Variants in SLC5A5 observed in about 807,000 individuals in gnomAD.
SLC5A5 encodes solute carrier family 5 member 5.
A neutral mutation model predicts 68.6 loss-of-function variants in SLC5A5; 56 were observed. That is an observed-to-expected ratio of 0.82 (90% CI 0.66 to 1.02). The LOEUF (loss-of-function observed/expected upper bound fraction) is 1.02, where lower values mean the gene tolerates loss of function less well. SLC5A5 is among the 50% of genes least tolerant of loss of function. The pLI, the probability that SLC5A5 is intolerant of heterozygous loss-of-function variation, is 0.00. For synonymous variants in SLC5A5, 398 were observed against 373.0 expected (o/e 1.07, Z -0.77); for missense variants, 807 against 859.8 (o/e 0.94, Z 0.77).
chr19:17,881,991 G>T lies in SLC5A5; in HGVS notation c.1090G>T (p.Ala364Ser). 1 of 1,614,164 alleles carries T rather than the reference G, an allele frequency of 6.2e-7. No individual in the cohort carries two copies. The highest frequency in any genetic ancestry group is 8.5e-7 in the Non-Finnish European group (1 of 1,179,986). Residue 364 changes from alanine (A) to serine (S), a missense_variant, in exon 9 of 15, where the codon GCA (alanine) becomes TCA (serine). Transcript: ENST00000222248. ...ATCCACCAGCATCAATGCTATGGCT[G>T]CAGTCACTGTAGAAGACCTCATCAA... ...TASTSINAMAAVTVEDLIKPR... is the reference protein window; with the variant it reads ...TASTSINAMASVTVEDLIKPR...
At chr19:17,875,203 C>T (rs948181145) in intron 4 of SLC5A5, among the ~76,000 whole-genome samples, 3 of 151,876 alleles carry the variant, frequency 2.0e-5, no homozygotes, top group Non-Finnish European at 2.9e-5. Flanking sequence ...AACCCCGTCT[C>T]TACTAAGAAT....
rs557544732 is a variant in SLC5A5, at chr19:17,883,882, G to T, written c.1362G>T (p.Ala454=). 6.3e-7 allele frequency: 1 copy of T among 1,578,626 alleles called. No individual in the cohort carries two copies. The highest frequency in any genetic ancestry group is 1.8e-5 in the Admixed American group (1 of 54,466). The change falls in exon 12 of 15, where the codon GCG becomes GCT. Residue 454 remains alanine (A), a synonymous_variant. Coordinates refer to ENST00000222248, the MANE Select transcript of SLC5A5 (RefSeq NM_000453.3). The part of the protein sequence containing the change: ...GVLAGLGAGL[A]LSLWVALGAT... Reference sequence around the variant, plus strand: ...TCGCGGGACTAGGCGCGGGCTTGGCGCTGTCGCTGTGGGTGGCCTTGGGCG... The same window carrying T: ...TCGCGGGACTAGGCGCGGGCTTGGCTCTGTCGCTGTGGGTGGCCTTGGGCG...
At chr19:17,875,167 C>G (rs1231908637) in intron 4 of SLC5A5, among the ~76,000 whole-genome samples, 1 of 151,958 alleles carries the variant, frequency 6.6e-6, no homozygotes, top group Non-Finnish European at 1.5e-5. Context: ...GTCAGGAGTT[C>G]GAGACCAGCC....
Position 17,872,254 on chromosome 19 carries a change from T to C in SLC5A5, c.-66T>C, listed in dbSNP as rs1599905449. On this transcript the variant is annotated 5_prime_UTR_variant, in exon 1 of 15. Coordinates refer to ENST00000222248, the MANE Select transcript of SLC5A5 (RefSeq NM_000453.3). ...CTCCCCGTCCTGCCTCCTCGGCCCC[T>C]GCCAGCTTCCCCCGCTTGAGCACGC... 4.0e-6 allele frequency: 2 copies of C among 496,066 alleles called. No individual in the cohort carries two copies. Among genetic ancestry groups the C allele is most frequent in the South Asian group, 1.6e-5 (1 of 61,954 alleles). The allele number at this position is 496,066 out of a possible 1,614,324, so 30.7% of individuals were successfully genotyped here.
intron 14 of SLC5A5, among the ~76,000 whole-genome samples, chr19:17,892,892 G>T (rs2030243519): frequency 6.6e-6 from 1 of 152,036 alleles, no homozygotes; most frequent in African/African-American, 2.4e-5. Context: ...CTGAGAAGGG[G>T]ATTGGGAGGG....
intron 13 of SLC5A5, among the ~76,000 whole-genome samples, chr19:17,888,719 A>G (rs2030030548): frequency 6.6e-6 from 1 of 150,680 alleles, no homozygotes; most frequent in East Asian, 1.9e-4. Flanking sequence ...TGCAACCTCC[A>G]CCTCCCAGAT....
At chr19:17,890,145 A>G (rs998484109) in intron 13 of SLC5A5, among the ~76,000 whole-genome samples, 1 of 152,080 alleles carries the variant, frequency 6.6e-6, no homozygotes, top group Non-Finnish European at 1.5e-5. Context: ...ATGTTGGCTC[A>G]CTGCAACCTC....
Position 17,888,398 on chromosome 19 carries a change from G to T in SLC5A5, c.1594G>T (p.Gly532Cys), listed in dbSNP as rs751283532. 6.2e-7 allele frequency: 1 copy of T among 1,613,752 alleles called. No homozygotes were observed. Residue 532 changes from glycine to cysteine, a missense_variant, in exon 13 of 15, where the codon GGT becomes TGT. Gly to Cys is a radical substitution (Grantham distance 159). Transcript: ENST00000222248. The part of the protein sequence containing the change: ...SFYAISYLYY[G>C]ALGTLTTVLC... ...CTATGCCATCTCCTATCTCTATTAC[G>T]GTGCCCTGGGCACGCTGACCACTGT...
At position 17,872,201 on chromosome 19, in the gene SLC5A5, C is replaced by T; in HGVS notation, c.-119C>T. ...CTTCCCACCCCAGACGGAGCGGGGACAGGCTGCCGAGCATCCTCCCACCCG... is the reference window on the plus strand; with the variant it reads ...CTTCCCACCCCAGACGGAGCGGGGATAGGCTGCCGAGCATCCTCCCACCCG... On this transcript the variant is annotated 5_prime_UTR_variant, in exon 1 of 15. Coordinates refer to ENST00000222248, the MANE Select transcript of SLC5A5 (RefSeq NM_000453.3). 1.4e-6 allele frequency: 1 copy of T among 722,834 alleles called. No homozygotes were observed. The highest frequency in any genetic ancestry group is 2.3e-6 in the Non-Finnish European group (1 of 438,392). The allele number at this position is 722,834 out of a possible 1,614,324, so 44.8% of individuals were successfully genotyped here. A position where few individuals can be genotyped will look rare whatever the true frequency, so the allele number is the denominator to read the frequency against.
At position 17,876,864 on chromosome 19, in the gene SLC5A5, C is replaced by T. The variant is rs559259835; in HGVS notation, c.698+758C>T. Among the ~76,000 whole-genome samples, 273 of 150,084 alleles carry T rather than the reference C, an allele frequency of 1.8e-3. 2 individuals carry two copies. The highest frequency in any genetic ancestry group is 2.8e-3 in the Non-Finnish European group (191 of 67,556). On this transcript the variant is annotated intron_variant, in intron 5 of 14. Transcript: ENST00000222248. ...TGACAGAGAGAGACTCCGTCCCCCCCCTAAAAAAAAAAAAAATTAGCAGGG... is the reference window on the plus strand; with the variant it reads ...TGACAGAGAGAGACTCCGTCCCCCCTCTAAAAAAAAAAAAAATTAGCAGGG...
At chr19:17,886,453 A>AGTAGTAG (rs2029923278) in intron 12 of SLC5A5, among the ~76,000 whole-genome samples, 1 of 151,930 alleles carries the variant, frequency 6.6e-6, no homozygotes, top group South Asian at 2.1e-4. Context: ...GACTACAGGC[A>AGTAGTAG]TATGCCACCA....
intron 14 of SLC5A5, among the ~76,000 whole-genome samples, chr19:17,892,652 CAGAGAGAGAGAGAGAGAGAG>C (rs58081153): frequency 2.1e-5 from 2 of 97,402 alleles, no homozygotes; most frequent in African/African-American, 7.0e-5. Flanking sequence ...AAAGAAAAGA[CAGAGAGAGAGAGAGAGAGAG>C]AGAGAGAGAG....
chr19:17,874,797 T>G, intron 4 of SLC5A5, 66 bp downstream of exon 4: 2 of 1,495,780 alleles, frequency 1.3e-6, no homozygotes, highest in Non-Finnish European at 9.3e-7. Context: ...GTGGGGAGAC[T>G]CTGGGCTTGC....
At chr19:17,879,154 G>A (rs1234417255) in intron 7 of SLC5A5, among the ~76,000 whole-genome samples, 1 of 139,252 alleles carries the variant, frequency 7.2e-6, no homozygotes, top group Non-Finnish European at 1.6e-5. Context: ...TTAGCCGGGT[G>A]TGGTGGTGCA....
intron 4 of SLC5A5, among the ~76,000 whole-genome samples, chr19:17,875,306 G>GTTGCGGTGCGTGGAGA (rs2094304183): frequency 2.0e-5 from 3 of 151,278 alleles, no homozygotes; most frequent in Admixed American, 2.0e-4. Context: ...GGAGGTGGAG[G>GTTGCGGTGCGTGGAGA]TTGCGGTGCG....
chr19:17,875,157 G>GTC (rs1247946832), intron 4 of SLC5A5, among the ~76,000 whole-genome samples: 1 of 152,028 alleles, frequency 6.6e-6, no homozygotes, highest in Non-Finnish European at 1.5e-5. Flanking sequence ...ATCACCTAAG[G>GTC]TCAGGAGTTC....
intron 14 of SLC5A5, among the ~76,000 whole-genome samples, chr19:17,891,620 G>C (rs552743616): frequency 1.3e-5 from 2 of 152,270 alleles, no homozygotes; most frequent in African/African-American, 4.8e-5. Context: ...GGTGAAACTG[G>C]TGTGCTGTTA....
intron 1 of SLC5A5, 33 bp downstream of exon 1, chr19:17,872,709 C>G (rs754640501): frequency 4.5e-6 from 6 of 1,339,718 alleles, no homozygotes; most frequent in African/African-American, 2.9e-5. Context: ...TAGGACCTGC[C>G]CCACTGGCAG....
Position 17,874,177 on chromosome 19 carries a change from G to C in SLC5A5, c.397G>C (p.Gly133Arg). The C allele has an allele frequency of 6.2e-7, 1 of 1,612,444 alleles. No individual in the cohort carries two copies. Among genetic ancestry groups the C allele is most frequent in the Non-Finnish European group, 8.5e-7 (1 of 1,178,996 alleles). The change falls in exon 2 of 15, where the codon GGG (glycine) becomes CGG (arginine). Residue 133 changes from glycine (G) to arginine (R), a missense_variant. Transcript: ENST00000222248. The part of the protein sequence containing the change: ...MRFSRAVRLC[G>R]TLQYIVATML... ...CTTCAGCCGCGCAGTGCGGCTCTGC[G>C]GGACTTTGCAGTACATTGTAGCCAC... is the stretch of plus-strand genomic sequence containing the variant.
Sources: gnomAD v4.1 joint callset for allele counts (sites outside exome capture counted in the v4.1 genomes callset) on GRCh38, gnomAD v4.1.1 for gene constraint, MANE v1.5 for transcripts, NCBI Gene and HGNC (gene_info 2026-07-23, HGNC 2026-07-21) for gene names.